The following HBS1L variants were observed in gnomAD, a reference collection of about 807,000 sequenced individuals.
The protein encoded by HBS1L is HBS1 like translational GTPase, also known as HBS1-like protein.
HBS1L carries 55 observed loss-of-function variants against 88.9 expected under a neutral mutation model. The observed-to-expected ratio is 0.62, with a 90% CI of 0.50 to 0.77. HBS1L has a LOEUF of 0.77. Among genes scored for constraint, HBS1L ranks in the 30% least tolerant of loss-of-function variants. HBS1L has a pLI of 0.00. For missense variants in HBS1L, 741 were observed against 829.3 expected (o/e 0.89, Z 1.31); for synonymous variants, 267 against 288.5 (o/e 0.93, Z 0.76).
intron 13 of HBS1L, chr6:134,979,507 C>A (rs1774757394): frequency 2.4e-6 from 1 of 409,170 alleles, no homozygotes; most frequent in Non-Finnish European, 4.5e-6. Flanking sequence ...AAAAGGCTGA[C>A]TTCTGCTTAT....
At chr6:134,967,740 T>C (rs575741219) in intron 16 of HBS1L, among the ~76,000 whole-genome samples, 2 of 152,350 alleles carry the variant, frequency 1.3e-5, no homozygotes, top group South Asian at 4.1e-4. Context: ...ATATAATTTA[T>C]GTAAACCAAC....
chr6:135,040,166 G>A (rs186711652), intron 3 of HBS1L, among the ~76,000 whole-genome samples: 78 of 152,134 alleles, frequency 5.1e-4, no homozygotes, highest in South Asian at 8.3e-4. Context: ...AGTTATTCAC[G>A]AAGTATATTT....
At position 135,020,428 on chromosome 6, in the gene HBS1L, C is replaced by T. The variant is rs192969787; in HGVS notation, c.431-17586G>A. ...AAATGGTATTTTTGGCAATGCCAAC[C>T]TATAACAGCATGTTCAATGCACTAG... On this transcript the variant is annotated intron_variant, in intron 4 of 17. Transcript: ENST00000367837. Among the ~76,000 whole-genome samples, 573 of 151,996 alleles carry T rather than the reference C, an allele frequency of 3.8e-3. 3 individuals carry two copies. Among genetic ancestry groups the T allele is most frequent in the African/African-American group, 0.012 (511 of 41,514 alleles).
chr6:134,991,668 T>G (rs1775143380), intron 8 of HBS1L, among the ~76,000 whole-genome samples: 2 of 152,252 alleles, frequency 1.3e-5, no homozygotes, highest in South Asian at 4.1e-4. Flanking sequence ...ATTAATATTC[T>G]AAAATTACAT....
In HBS1L at chr6:134,965,863, T is replaced by A. The variant is rs182486264; in HGVS notation, c.2043+466A>T. 5.7e-4 allele frequency among the ~76,000 whole-genome samples: 87 copies of A among 152,354 alleles called. 1 individual carries two copies. The highest frequency in any genetic ancestry group is 2.0e-3 in the African/African-American group (84 of 41,588). On this transcript the variant is annotated intron_variant, in intron 17 of 17. Transcript: ENST00000367837. ...CTTAAAAGAAAGATTTTTCATGATA[T>A]GTGTAACTCACTTTTGATGCAACTT...
chr6:134,965,141 C>T lies in HBS1L; in HGVS notation c.*138G>A. On this transcript the variant is annotated 3_prime_UTR_variant, in exon 18 of 18. Coordinates refer to ENST00000367837, the MANE Select transcript of HBS1L (RefSeq NM_006620.4). ...GGTGATTATTAATACTTCTTTGCAG[C>T]TAATTTTAGCTTTAATTTTTCTCTC... The T allele has an allele frequency of 1.3e-6, 1 of 764,558 alleles. No homozygotes were observed. The highest frequency in any genetic ancestry group is 2.2e-6 in the Non-Finnish European group (1 of 445,580). The allele number at this position is 764,558 out of a possible 1,614,324, so 47.4% of individuals were successfully genotyped here. A position where few individuals can be genotyped will look rare whatever the true frequency, so the allele number is the denominator to read the frequency against.
At chr6:135,050,996 G>A (rs920619839) in intron 1 of HBS1L, among the ~76,000 whole-genome samples, 1 of 152,176 alleles carries the variant, frequency 6.6e-6, no homozygotes, top group African/African-American at 2.4e-5. Flanking sequence ...GGGAGGCCGA[G>A]GTAGGTGGAT....
In HBS1L at chr6:135,054,665, G is replaced by A. The variant is rs781622500; in HGVS notation, c.27C>T (p.Gly9=). 8.7e-6 allele frequency: 14 copies of A among 1,614,262 alleles called. No individual in the cohort carries two copies. The highest frequency in any genetic ancestry group is 1.2e-5 in the Non-Finnish European group (14 of 1,180,044). Residue 9 remains glycine (G), a synonymous_variant, in exon 1 of 18, where the codon GGC becomes GGT. Coordinates refer to ENST00000367837, the MANE Select transcript of HBS1L (RefSeq NM_006620.4). ...GCCACCTACCTTCATCGTAGTTATAGCCTCGAACATTCCGATGCCGGGCCA... is the reference window on the plus strand; with the variant it reads ...GCCACCTACCTTCATCGTAGTTATAACCTCGAACATTCCGATGCCGGGCCA... MARHRNVR[G]YNYDEDFEDD...
chr6:135,023,317 G>A (rs35367489), intron 4 of HBS1L, among the ~76,000 whole-genome samples: 48,425 of 151,918 alleles, frequency 0.32, 8,158 homozygotes, highest in Non-Finnish European at 0.38. Flanking sequence ...GATGGCGGGC[G>A]CCTGTAGTCC....
chr6:134,998,638 G>A (rs1333251236), intron 5 of HBS1L, among the ~76,000 whole-genome samples: 1 of 152,168 alleles, frequency 6.6e-6, no homozygotes, highest in African/African-American at 2.4e-5. Flanking sequence ...GTAGCATGAT[G>A]GATATGTGTA....
intron 4 of HBS1L, among the ~76,000 whole-genome samples, chr6:135,009,437 C>CA: frequency 6.6e-6 from 1 of 151,744 alleles, no homozygotes; most frequent in African/African-American, 2.4e-5. Flanking sequence ...AAAGAGGAGG[C>CA]AAAAATAATA....
rs761435189 is a variant in HBS1L at position 134,975,889 on chromosome 6, C to T, written c.1797+2790G>A. Among the ~76,000 whole-genome samples the T allele has an allele frequency of 3.8e-4, 57 of 151,878 alleles. 1 individual carries two copies. The highest frequency in any genetic ancestry group is 1.2e-3 in the Admixed American group (18 of 15,228). On this transcript the variant is annotated intron_variant, in intron 15 of 17. Transcript: ENST00000367837. ...ACTAAGACCCCCAAAGCAGATTCAA[C>T]GGAAATAAAAATAAATAGATAAGAC...
At position 134,984,574 on chromosome 6, in the gene HBS1L, A is replaced by G. The variant is rs149479614; in HGVS notation, c.1492+767T>C. Among the ~76,000 whole-genome samples the G allele has an allele frequency of 6.2e-4, 94 of 152,328 alleles. 1 individual carries two copies. Among genetic ancestry groups the G allele is most frequent in the African/African-American group, 2.2e-3 (90 of 41,584 alleles). On this transcript the variant is annotated intron_variant, in intron 12 of 17. Coordinates refer to ENST00000367837, the MANE Select transcript of HBS1L (RefSeq NM_006620.4). The stretch of plus-strand genomic sequence containing the variant: ...ACTCTGCATTGCTGGCTCTGTGACA[A>G]TGGAGATTTAGAGGACAAATGACAT...
At chr6:135,003,301 G>T (rs1360051380) in intron 4 of HBS1L, among the ~76,000 whole-genome samples, 1 of 152,010 alleles carries the variant, frequency 6.6e-6, no homozygotes, top group Non-Finnish European at 1.5e-5. Context: ...GAATTGTGCT[G>T]GAATATAGTA....
chr6:134,992,402 T>C (rs1248555081), intron 8 of HBS1L, among the ~76,000 whole-genome samples: 2 of 152,172 alleles, frequency 1.3e-5, no homozygotes, highest in African/African-American at 4.8e-5. Flanking sequence ...CTCATGTATC[T>C]GTGATGATAC....
chr6:135,000,085 C>T (rs1238947240), intron 5 of HBS1L, among the ~76,000 whole-genome samples: 6 of 147,074 alleles, frequency 4.1e-5, no homozygotes, highest in East Asian at 1.9e-4. Flanking sequence ...GATGGTCTCG[C>T]TCTCGCTGTG....
At chr6:135,043,933 A>G (rs768999007) in intron 2 of HBS1L, among the ~76,000 whole-genome samples, 1 of 152,210 alleles carries the variant, frequency 6.6e-6, no homozygotes, top group African/African-American at 2.4e-5. Context: ...ATCACTGCAT[A>G]ATAACAACAC....
intron 4 of HBS1L, among the ~76,000 whole-genome samples, chr6:135,018,044 C>T (rs901163123): frequency 3.3e-5 from 5 of 151,508 alleles, no homozygotes; most frequent in Non-Finnish European, 5.9e-5. Flanking sequence ...CCATCAATTG[C>T]TATTTTTCCT....
chr6:135,044,439 G>A (rs1247909036), intron 2 of HBS1L, among the ~76,000 whole-genome samples: 2 of 152,066 alleles, frequency 1.3e-5, no homozygotes, highest in African/African-American at 2.4e-5. Flanking sequence ...TGTGCAAGTA[G>A]ATAACAACAC....
Sources: allele counts gnomAD v4.1 joint callset (sites outside exome capture counted in the v4.1 genomes callset), GRCh38; gene constraint gnomAD v4.1.1; transcripts MANE v1.5; gene names NCBI Gene and HGNC (gene_info 2026-07-23, HGNC 2026-07-21).